The following A2ML1 variants were observed in gnomAD, a reference collection of about 807,000 sequenced individuals.
A2ML1 encodes alpha-2-macroglobulin like 1, also known as alpha-2-macroglobulin-like protein 1.
Under a neutral mutation model 181.9 loss-of-function variants are expected in A2ML1, and 161 were observed. That is an observed-to-expected ratio of 0.89 (90% CI 0.78 to 1.01). A2ML1 has a LOEUF of 1.01. A2ML1 is among the 50% of genes least tolerant of loss of function. The pLI, the probability that A2ML1 is intolerant of heterozygous loss-of-function variation, is 0.00. For synonymous variants in A2ML1, 663 were observed against 666.8 expected, an observed-to-expected ratio of 0.99 and a Z score of 0.09; for missense variants, 1,670 against 1,768.1, an observed-to-expected ratio of 0.94 and a Z score of 1.00.
At chr12:8,875,454 TA>T (rs1197625498) in intron 35 of A2ML1, 24 of 146,756 alleles carry the variant, frequency 1.6e-4, no homozygotes, top group Non-Finnish European at 2.7e-4. Context: ...TTTTTTTTTT[TA>T]AACAGGATCT....
intron 33 of A2ML1, among the ~76,000 whole-genome samples, chr12:8,870,099 A>G (rs1038160585): frequency 5.3e-5 from 8 of 152,198 alleles, no homozygotes; most frequent in African/African-American, 1.9e-4. Context: ...GAACAAAGTT[A>G]TCCTTATTGA....
chr12:8,885,396 T>C (rs980889407), intron 7 of A2ML1, among the ~76,000 whole-genome samples: 3 of 152,126 alleles, frequency 2.0e-5, no homozygotes, highest in Non-Finnish European at 4.4e-5. Flanking sequence ...AAGAAATCTT[T>C]ACTTCAGGGT....
At position 8,850,141 on chromosome 12, in the gene A2ML1, G is replaced by A. The variant is rs753833721; in HGVS notation, c.2120-19G>A. 11 of 1,575,458 alleles carry A rather than the reference G, an allele frequency of 7.0e-6. No homozygotes were observed. The highest frequency in any genetic ancestry group is 6.8e-5 in the East Asian group (3 of 43,998). On this transcript the variant is annotated intron_variant, in intron 17 of 35. Coordinates refer to ENST00000299698, the MANE Select transcript of A2ML1 (RefSeq NM_144670.6). ...AAGTCTCCTGTTTCCTAAAGTTTTC[G>A]TATTCTCAATTTCATCAGCAGGCGG...
At chr12:8,883,030 T>C (rs1239605922) in intron 7 of A2ML1, among the ~76,000 whole-genome samples, 1 of 152,152 alleles carries the variant, frequency 6.6e-6, no homozygotes, top group Non-Finnish European at 1.5e-5. Context: ...CTTTCAAAGA[T>C]GCTTTCTATC....
At chr12:8,848,166 G>A (rs1317824915) in intron 15 of A2ML1, among the ~76,000 whole-genome samples, 2 of 150,758 alleles carry the variant, frequency 1.3e-5, no homozygotes, top group Non-Finnish European at 3.0e-5. Flanking sequence ...AAAAAAGAAA[G>A]GATAAGAGAA....
chr12:8,849,207 T>G (rs769731287), intron 16 of A2ML1, among the ~76,000 whole-genome samples: 1 of 152,218 alleles, frequency 6.6e-6, no homozygotes, highest in African/African-American at 2.4e-5. Flanking sequence ...TAAAAAATAA[T>G]TTGCACCTAT....
chr12:8,863,460 CA>C (rs1274323930), intron 28 of A2ML1, among the ~76,000 whole-genome samples: 1 of 152,094 alleles, frequency 6.6e-6, no homozygotes, highest in African/African-American at 2.4e-5. Context: ...TGTAAGCAAA[CA>C]AAAATTGCCC....
In A2ML1 at chr12:8,845,865, T is replaced by A. The variant is rs200216788; in HGVS notation, c.1538-212T>A. On this transcript the variant is annotated intron_variant, in intron 13 of 35. Transcript: ENST00000299698. ...ACTCCGTCTCAAAAAAAAAAAAAAA[T>A]AAATAAAATAAAATAAAATAAAATA... 2.0e-3 allele frequency among the ~76,000 whole-genome samples: 257 copies of A among 131,130 alleles called. 12 individuals are homozygous for A. Among genetic ancestry groups the A allele is most frequent in the African/African-American group, 6.8e-3 (210 of 30,804 alleles). 86.0% of individuals were successfully genotyped at this position (131,130 alleles called of 152,430 possible).
Position 8,857,493 on chromosome 12 carries a change from AT to A in A2ML1, c.3026-11del. 6.2e-7 allele frequency: 1 copy of A among 1,611,948 alleles called. No homozygotes were observed. Among genetic ancestry groups the A allele is most frequent in the Non-Finnish European group, 8.5e-7 (1 of 1,179,034 alleles). On this transcript the variant is annotated splice_polypyrimidine_tract_variant and intron_variant, in intron 24 of 35. Coordinates refer to ENST00000299698, the MANE Select transcript of A2ML1 (RefSeq NM_144670.6). ...AGTTGTCGCTGTGATCTAAAACCACATTTGGCTTCCCAGGGTACCAGAAGGA... is the reference window on the plus strand; with the variant it reads ...AGTTGTCGCTGTGATCTAAAACCACATTGGCTTCCCAGGGTACCAGAAGGA...
In A2ML1 at chr12:8,846,099, C is replaced by G; in HGVS notation, c.1560C>G (p.Leu520=). The G allele has an allele frequency of 6.2e-7, 1 of 1,614,174 alleles. No homozygotes were observed. Among genetic ancestry groups the G allele is most frequent in the African/African-American group, 1.3e-5 (1 of 75,060 alleles). Residue 520 remains leucine (L), a synonymous_variant, in exon 14 of 36, where the codon CTC becomes CTG. Coordinates refer to ENST00000299698, the MANE Select transcript of A2ML1 (RefSeq NM_144670.6). ...KKKGLKASFS[L]SLTFTSRLAP... is the part of the protein sequence containing the mutation. ...CAGGACTGAAAGCCTCCTTCTCTCT[C>G]TCACTGACCTTCACTTCGAGACTGG... is the stretch of plus-strand genomic sequence containing the variant.
At chr12:8,874,344 C>A in intron 33 of A2ML1, 81 bp from the exon 34 acceptor site, 1 of 1,139,226 alleles carries the variant, frequency 8.8e-7, no homozygotes, top group Non-Finnish European at 1.3e-6. Flanking sequence ...ATGAAGACAG[C>A]AAGGGTCTTT....
chr12:8,829,639 AGT>A, intron 3 of A2ML1, 86 bp from the exon 4 acceptor site: 2 of 1,298,930 alleles, frequency 1.5e-6, no homozygotes, highest in South Asian at 2.6e-5. Flanking sequence ...TGGGTGACAG[AGT>A]GAGACCCTGT....
At chr12:8,846,011 G>A (rs1477867063) in intron 13 of A2ML1, 66 bp from the exon 14 acceptor site, 7 of 1,588,376 alleles carry the variant, frequency 4.4e-6, no homozygotes, top group Admixed American at 1.7e-5. Context: ...AAGTACATAT[G>A]GTTAGATGCC....
intron 13 of A2ML1, among the ~76,000 whole-genome samples, chr12:8,845,787 T>C (rs1362380428): frequency 7.3e-5 from 11 of 150,816 alleles, no homozygotes; most frequent in Non-Finnish European, 1.6e-4. Context: ...GAGGCGGAGC[T>C]TGCAGTGAGC....
chr12:8,861,112 T>G lies in A2ML1; in HGVS notation c.3340-23T>G, dbSNP rs752305831. On this transcript the variant is annotated intron_variant, in intron 27 of 35. Transcript: ENST00000299698. ...TTTTAAAGGAATGCCTTATAAGTTATAGTCTTCATCTTCACTTTTTAGGAC... is the reference window on the plus strand; with the variant it reads ...TTTTAAAGGAATGCCTTATAAGTTAGAGTCTTCATCTTCACTTTTTAGGAC... 3 of 1,613,560 alleles carry G rather than the reference T, an allele frequency of 1.9e-6. No individual in the cohort carries two copies. The South Asian group carries it at 3.3e-5, about 18-fold the overall frequency.
At chr12:8,884,382 A>C (rs999695413) in intron 7 of A2ML1, among the ~76,000 whole-genome samples, 1 of 151,692 alleles carries the variant, frequency 6.6e-6, no homozygotes, top group Non-Finnish European at 1.5e-5. Flanking sequence ...TATTAAGCCC[A>C]GTACCCAATA....
chr12:8,854,325 C>G (rs1943989002), intron 21 of A2ML1, 76 bp downstream of exon 21: 14 of 1,507,852 alleles, frequency 9.3e-6, no homozygotes, highest in Non-Finnish European at 1.2e-5. Flanking sequence ...GAGTTAGTCT[C>G]TCACAGCAAC....
intron 33 of A2ML1, among the ~76,000 whole-genome samples, chr12:8,874,158 G>C (rs1944721069): frequency 6.6e-6 from 1 of 151,978 alleles, no homozygotes; most frequent in African/African-American, 2.4e-5. Flanking sequence ...TGGGATTACA[G>C]GTGCCAGCCA....
intron 12 of A2ML1, 200 bp from the exon 13 acceptor site, chr12:8,845,242 A>G (rs2136828020): frequency 1.3e-6 from 2 of 1,520,264 alleles, no homozygotes; most frequent in East Asian, 2.4e-5. Context: ...CAGACCTCCA[A>G]CTGCAGGAGG....
Sources: gnomAD v4.1 joint callset for allele counts (sites outside exome capture counted in the v4.1 genomes callset) on GRCh38, gnomAD v4.1.1 for gene constraint, MANE v1.5 for transcripts, NCBI Gene and HGNC (gene_info 2026-07-23, HGNC 2026-07-21) for gene names.